BDH1: variants seen among roughly 807,000 people sequenced by gnomAD.
The protein encoded by BDH1 is 3-hydroxybutyrate dehydrogenase 1.
In BDH1, 30 loss-of-function variants were observed where a neutral mutation model predicts 33.1. The observed-to-expected ratio is 0.91, with a 90% CI of 0.68 to 1.23. The LOEUF (loss-of-function observed/expected upper bound fraction) is 1.23, where lower values mean the gene tolerates loss of function less well. Ranked by LOEUF, BDH1 falls within the 50% of genes most tolerant of loss-of-function variation. The pLI is 0.00. For synonymous variants in BDH1, 190 were observed against 183.6 expected (o/e 1.03, Z -0.28); for missense variants, 443 against 464.4 (o/e 0.95, Z 0.42).
At chr3:197,559,271 A>G (rs150254019), upstream of BDH1, among the ~76,000 whole-genome samples, 5,529 of 152,218 alleles carry the variant, frequency 0.036, 313 homozygotes, top group African/African-American at 0.12. Context: ...AAGTGCTGGG[A>G]TTACAGGCAT....
chr3:197,553,326 C>T (rs1180045892), intron 2 of BDH1, among the ~76,000 whole-genome samples: 1 of 149,964 alleles, frequency 6.7e-6, no homozygotes, highest in African/African-American at 2.4e-5. Context: ...GTCAAGAGAT[C>T]GAGACCATCC....
Position 197,512,243 on chromosome 3 carries a change from G to C in BDH1, c.684C>G (p.Pro228=). 1 of 1,613,620 alleles carries C rather than the reference G, an allele frequency of 6.2e-7. No individual in the cohort carries two copies. The highest frequency in any genetic ancestry group is 8.5e-7 in the Non-Finnish European group (1 of 1,180,034). ...FSDCLRYEMY[P]LGVKVSVVEP... ...CCACCACGCTGACCTTCACGCCCAG[G>C]GGGTACATCTCATAGCGCAGGCAGT... The change falls in exon 8 of 8, where the codon CCC becomes CCG. Residue 228 remains proline (P), a synonymous_variant. Transcript: ENST00000392379.
chr3:197,562,518 G>A (rs909430275), intron 1 of BDH1, among the ~76,000 whole-genome samples: 2 of 152,190 alleles, frequency 1.3e-5, no homozygotes, highest in African/African-American at 2.4e-5. Context: ...CAGTGGCCCT[G>A]CAGGGAAATC....
Position 197,520,465 on chromosome 3 carries a change from G to C in BDH1, c.409+2175C>G, listed in dbSNP as rs1713422265. Among the ~76,000 whole-genome samples, 2 of 152,274 alleles carry C rather than the reference G, an allele frequency of 1.3e-5. No individual in the cohort carries two copies. The highest frequency in any genetic ancestry group is 2.4e-5 in the African/African-American group (1 of 41,548). ...GTGCCTCCCCTCTGTGTGGGCCGGG[G>C]CCCACCCTGCCTTGTAGGTTAGGCT... On this transcript the variant is annotated intron_variant, in intron 6 of 7. Coordinates refer to ENST00000392379, the MANE Select transcript of BDH1 (RefSeq NM_203314.3). This position sits in a 1 kb window ranked among gnomAD's most constrained non-coding sequence, Gnocchi z 6.0.
intron 3 of BDH1, chr3:197,543,092 TC>T: frequency 1.0e-6 from 1 of 985,356 alleles, no homozygotes; most frequent in Non-Finnish European, 1.2e-6. Context: ...CCTTTTATTG[TC>T]CCCATCAGGA....
chr3:197,561,685 C>T (rs556229739), intron 1 of BDH1, among the ~76,000 whole-genome samples: 19 of 152,224 alleles, frequency 1.2e-4, no homozygotes, highest in African/African-American at 4.1e-4. Flanking sequence ...TTGACCTACT[C>T]TTCCAGACTT....
At chr3:197,517,239 T>G (rs1278991930) in intron 6 of BDH1, among the ~76,000 whole-genome samples, 2 of 25,954 alleles carry the variant, frequency 7.7e-5, no homozygotes, top group African/African-American at 1.6e-4. Flanking sequence ...CCATCCCCCC[T>G]CAGGCCGACC....
At chr3:197,529,100 C>T (rs938629614) in intron 5 of BDH1, 1 of 152,236 alleles carries the variant, frequency 6.6e-6, no homozygotes, top group Non-Finnish European at 1.5e-5. Context: ...TTCCCCAGAA[C>T]CCTCCCCAGA....
intron 1 of BDH1, among the ~76,000 whole-genome samples, chr3:197,566,693 A>C (rs1416922446): frequency 6.6e-6 from 1 of 152,254 alleles, no homozygotes; most frequent in Non-Finnish European, 1.5e-5. Context: ...ATTATGATTC[A>C]AAACTATAGT....
In BDH1 at chr3:197,567,462, C is replaced by T. The variant is rs112257304; in HGVS notation, c.-44+5719G>A. ...TGCAATTGTTTGTCTCTCATCTACCCGTGACCTGGAAGCCCCCTCCCTGTC... is the reference window on the plus strand; with the variant it reads ...TGCAATTGTTTGTCTCTCATCTACCTGTGACCTGGAAGCCCCCTCCCTGTC... On this transcript the variant is annotated intron_variant, in intron 1 of 6. Transcript: ENST00000358186. Among the ~76,000 whole-genome samples, 767 of 152,288 alleles carry T rather than the reference C, an allele frequency of 5.0e-3. 6 individuals are homozygous for T. Among genetic ancestry groups the T allele is most frequent in the African/African-American group, 0.016 (669 of 41,558 alleles).
chr3:197,533,076 C>T (rs1714823066), intron 4 of BDH1, among the ~76,000 whole-genome samples: 2 of 152,200 alleles, frequency 1.3e-5, no homozygotes, highest in African/African-American at 2.4e-5. Flanking sequence ...GGGGTTTCTC[C>T]ATGTTGGCCA....
At position 197,514,881 on chromosome 3, in the gene BDH1, G is replaced by A. The variant is rs989576858; in HGVS notation, c.410-465C>T. On this transcript the variant is annotated intron_variant, in intron 6 of 7. Coordinates refer to ENST00000392379, the MANE Select transcript of BDH1 (RefSeq NM_203314.3). This position sits in a 1 kb window ranked among gnomAD's most constrained non-coding sequence, Gnocchi z 4.2. ...GGGAAATCACAGGGGAGGTGGGCAC[G>A]AGGAGGCAGCTGTGTTTTGCAGGGA... Among the ~76,000 whole-genome samples, 4 of 152,224 alleles carry A rather than the reference G, an allele frequency of 2.6e-5. No homozygotes were observed. Among genetic ancestry groups the A allele is most frequent in the Non-Finnish European group, 5.9e-5 (4 of 68,042 alleles).
chr3:197,529,042 T>A (rs750301623), intron 5 of BDH1: 1 of 152,096 alleles, frequency 6.6e-6, no homozygotes, highest in African/African-American at 2.4e-5. Context: ...CCCGCTGAGG[T>A]AGGTCCACAT....
chr3:197,571,140 G>A lies in BDH1; in HGVS notation c.-44+2041C>T, dbSNP rs115003400. Among the ~76,000 whole-genome samples the A allele has an allele frequency of 8.7e-3, 1,325 of 152,278 alleles. 18 individuals are homozygous for A. The highest frequency in any genetic ancestry group is 0.03 in the African/African-American group (1,264 of 41,546). On this transcript the variant is annotated intron_variant, in intron 1 of 6. Transcript: ENST00000358186. ...CTTTCATGGAACCTTTGGCCCCTTC[G>A]TTTTGACCCATTTCTCCCATTTGGA...
chr3:197,567,885 A>G (rs1036209195), intron 1 of BDH1, among the ~76,000 whole-genome samples: 4 of 152,206 alleles, frequency 2.6e-5, no homozygotes, highest in African/African-American at 7.2e-5. Flanking sequence ...TAGAAGAGGT[A>G]GTATCCTGAA....
chr3:197,548,850 CA>C (rs747875606), intron 2 of BDH1, among the ~76,000 whole-genome samples: 9,119 of 151,030 alleles, frequency 0.06, 373 homozygotes, highest in Middle Eastern at 0.087. Context: ...GGCTCCGTCT[CA>C]AAAACAAAAA....
intron 2 of BDH1, among the ~76,000 whole-genome samples, chr3:197,551,521 C>G (rs1465727211): frequency 4.6e-5 from 7 of 152,154 alleles, no homozygotes; most frequent in Admixed American, 4.6e-4. Context: ...GTAAAAAGTG[C>G]TGGAACCAAC....
At chr3:197,558,781 C>T (rs567269177), upstream of BDH1, among the ~76,000 whole-genome samples, 32 of 152,270 alleles carry the variant, frequency 2.1e-4, no homozygotes, top group Admixed American at 8.5e-4. Context: ...TAGGATGTGG[C>T]GAGGCCACTC....
intron 2 of BDH1, among the ~76,000 whole-genome samples, chr3:197,546,968 T>C (rs1439784201): frequency 6.6e-6 from 1 of 152,158 alleles, no homozygotes. Flanking sequence ...TCATGCCACA[T>C]AGCATCTGAC....
Sources: allele counts gnomAD v4.1 joint callset (sites outside exome capture counted in the v4.1 genomes callset), GRCh38; gene constraint gnomAD v4.1.1; non-coding constraint Gnocchi (gnomAD v3.1); transcripts MANE v1.5; gene names NCBI Gene and HGNC (gene_info 2026-07-23, HGNC 2026-07-21).